The following EPRS1 variants were observed in gnomAD, a reference collection of about 807,000 sequenced individuals.
The protein encoded by EPRS1 is bifunctional glutamate/proline--tRNA ligase.
Under a neutral mutation model 188.3 loss-of-function variants are expected in EPRS1, and 107 were observed. The observed-to-expected ratio is 0.57, with a 90% CI of 0.49 to 0.67. EPRS1 has a LOEUF of 0.67. EPRS1 is among the 30% of genes least tolerant of loss of function. The pLI, the probability that EPRS1 is intolerant of heterozygous loss-of-function variation, is 0.00. For missense variants in EPRS1, 1,577 were observed against 1,802.2 expected (o/e 0.88, Z 2.26); for synonymous variants, 596 against 593.1 (o/e 1.00, Z -0.07).
At position 220,005,301 on chromosome 1, in the gene EPRS1, TATA is replaced by T; in HGVS notation, c.2007_2009del (p.Ile670del). The stretch of plus-strand genomic sequence containing the variant: ...TGAAGAATCCTCTTCTCTGGAGTTG[TATA>T]ATATCTCCTTTTTTCAAATCCTTAA... On this transcript the variant is annotated inframe_deletion, in exon 16 of 32. Transcript: ENST00000366923. 6.2e-7 allele frequency: 1 copy of T among 1,600,088 alleles called. No homozygotes were observed. Among genetic ancestry groups the T allele is most frequent in the Non-Finnish European group, 8.5e-7 (1 of 1,172,582 alleles).
In EPRS1 at chr1:220,010,933, C is replaced by G. The variant is rs1558054571; in HGVS notation, c.1605+13G>C. On this transcript the variant is annotated intron_variant, in intron 13 of 31. Coordinates refer to ENST00000366923, the MANE Select transcript of EPRS1 (RefSeq NM_004446.3). ...AACAGAGAGAAACACATTGGTGAAACTGTAAGAGTGACCTTTGGGTGTTTG... is the reference window on the plus strand; with the variant it reads ...AACAGAGAGAAACACATTGGTGAAAGTGTAAGAGTGACCTTTGGGTGTTTG... 6.7e-7 allele frequency: 1 copy of G among 1,489,706 alleles called. No individual in the cohort carries two copies. Among genetic ancestry groups the G allele is most frequent in the East Asian group, 2.3e-5 (1 of 44,182 alleles). 92.3% of individuals were successfully genotyped at this position (1,489,706 alleles called of 1,614,324 possible).
At chr1:219,973,207 G>A (rs1217626371) in intron 29 of EPRS1, 31 bp downstream of exon 29, 33 of 1,595,904 alleles carry the variant, frequency 2.1e-5, no homozygotes, top group Non-Finnish European at 2.7e-5. Flanking sequence ...AAGATCTGGA[G>A]AGAGAGACAT....
chr1:219,996,897 G>T, intron 18 of EPRS1, 86 bp downstream of exon 18: 3 of 1,324,540 alleles, frequency 2.3e-6, no homozygotes, highest in South Asian at 1.5e-5. Context: ...ATGAGCAGTC[G>T]ATGTTTTATA....
rs1376166324 is a variant in EPRS1, at chr1:219,978,663, C to T, written c.3966G>A (p.Ala1322=). 5 of 1,612,086 alleles carry T rather than the reference C, an allele frequency of 3.1e-6. No individual in the cohort carries two copies. The highest frequency in any genetic ancestry group is 2.2e-5 in the East Asian group (1 of 44,734). The stretch of plus-strand genomic sequence containing the variant: ...GATAATCATTGCATTTTGCAATCAG[C>T]GCTTCTTTGTCTTCTTCAGAAAGTG... ...TNALSEEDKE[A]LIAKCNDYRR... Residue 1322 remains alanine (A), a synonymous_variant, in exon 28 of 32, where the codon GCG becomes GCA. Transcript: ENST00000366923.
chr1:220,038,837 T>C (rs1662240788), intron 2 of EPRS1, among the ~76,000 whole-genome samples: 1 of 152,134 alleles, frequency 6.6e-6, no homozygotes, highest in Non-Finnish European at 1.5e-5. Flanking sequence ...GAACAAAGAC[T>C]GTCTTATTAC....
chr1:219,996,075 T>C (rs1360607308), intron 18 of EPRS1, among the ~76,000 whole-genome samples: 1 of 152,198 alleles, frequency 6.6e-6, no homozygotes, highest in South Asian at 2.1e-4. Flanking sequence ...TATGCTGCTG[T>C]TTGAGGAGAA....
intron 5 of EPRS1, 23 bp from the exon 6 acceptor site, chr1:220,030,503 C>A (rs1455948975): frequency 6.4e-7 from 1 of 1,563,976 alleles, no homozygotes; most frequent in Non-Finnish European, 8.8e-7. Flanking sequence ...ACCACCATCA[C>A]AACAAAAAGT....
At chr1:219,993,025 A>G (rs963677197) in intron 18 of EPRS1, among the ~76,000 whole-genome samples, 1 of 152,218 alleles carries the variant, frequency 6.6e-6, no homozygotes, top group Non-Finnish European at 1.5e-5. Flanking sequence ...GCTTGAGTAT[A>G]GAAGTTCAAG....
chr1:220,024,495 T>G (rs1661935372), intron 7 of EPRS1, 39 bp from the exon 8 acceptor site: 3 of 1,498,552 alleles, frequency 2.0e-6, no homozygotes, highest in Non-Finnish European at 2.7e-6. Context: ...GTATATCTTT[T>G]GCATTTTTTC....
intron 1 of EPRS1, among the ~76,000 whole-genome samples, chr1:220,045,124 C>T (rs6541124): frequency 0.023 from 3,439 of 152,294 alleles, 71 homozygotes; most frequent in East Asian, 0.067. Context: ...ATCAGCCCCA[C>T]GTGGTCAACT....
chr1:220,016,233 A>G (rs1163703467), intron 12 of EPRS1, among the ~76,000 whole-genome samples: 1 of 151,582 alleles, frequency 6.6e-6, no homozygotes, highest in Non-Finnish European at 1.5e-5. Flanking sequence ...AATCCCAGCT[A>G]CTCGGGAGGC....
In EPRS1 at chr1:220,006,253, G is replaced by A. The variant is rs565753634; in HGVS notation, c.1803C>T (p.Tyr601=). Residue 601 remains tyrosine (Y), a synonymous_variant, in exon 15 of 32, where the codon TAC becomes TAT. Coordinates refer to ENST00000366923, the MANE Select transcript of EPRS1 (RefSeq NM_004446.3). ...GCCAAGTGACCTTAGTGGTTTTCTT[G>A]TAGTCTTTGTTTTCCAAATTCAACT... ...DAKLNLENKD[Y]KKTTKVTWLA... 1.9e-6 allele frequency: 3 copies of A among 1,594,570 alleles called. No individual in the cohort carries two copies. Among genetic ancestry groups the A allele is most frequent in the African/African-American group, 1.3e-5 (1 of 74,648 alleles).
chr1:219,986,142 C>CA (rs1661002196), intron 20 of EPRS1, among the ~76,000 whole-genome samples: 1 of 152,132 alleles, frequency 6.6e-6, no homozygotes, highest in Admixed American at 6.5e-5. Context: ...CTCAGCTAAA[C>CA]AAATGTAAAA....
At position 220,011,038 on chromosome 1, in the gene EPRS1, G is replaced by A; in HGVS notation, c.1513C>T (p.Pro505Ser). The A allele has an allele frequency of 1.2e-6, 2 of 1,609,636 alleles. No homozygotes were observed. The highest frequency in any genetic ancestry group is 8.5e-7 in the Non-Finnish European group (1 of 1,176,036). Reference protein sequence around the residue: ...FNKKVIDPVAPRYVALLKKEV... With the variant: ...FNKKVIDPVASRYVALLKKEV... The stretch of plus-strand genomic sequence containing the variant: ...TTCTTCAGTAATGCAACATATCGTG[G>A]AGCCACTGGGTCAATAACCTGCAAC... The change falls in exon 13 of 32, where the codon CCA becomes TCA. Residue 505 changes from proline (P) to serine (S), a missense_variant. By Grantham distance (74) the Pro-to-Ser change is moderately conservative. Around this residue, in one of 3 missense-constraint regions of EPRS1, gnomAD observed 1,278 missense variants for 1,457.4 expected, o/e 0.88. Coordinates refer to ENST00000366923, the MANE Select transcript of EPRS1 (RefSeq NM_004446.3).
In EPRS1 at chr1:220,041,534, T is replaced by A. The variant is rs77404290; in HGVS notation, c.47-1265A>T. On this transcript the variant is annotated intron_variant, in intron 1 of 31. Coordinates refer to ENST00000366923, the MANE Select transcript of EPRS1 (RefSeq NM_004446.3). ...ACTTAATTGATTCATTAATCCTCTG[T>A]CCCTTAATTTGATTAAGATAGACAG... Among the ~76,000 whole-genome samples the A allele has an allele frequency of 3.4e-3, 519 of 152,154 alleles. 3 individuals carry two copies. Among genetic ancestry groups the A allele is most frequent in the African/African-American group, 0.012 (507 of 41,498 alleles).
chr1:220,014,917 C>T (rs969383123), intron 12 of EPRS1, among the ~76,000 whole-genome samples: 2 of 151,958 alleles, frequency 1.3e-5, no homozygotes, highest in Admixed American at 1.3e-4. Context: ...TGCAGAAAAC[C>T]CTACTATTAA....
chr1:220,013,429 A>G (rs970152738), intron 12 of EPRS1, among the ~76,000 whole-genome samples: 7 of 152,146 alleles, frequency 4.6e-5, no homozygotes, highest in African/African-American at 1.4e-4. Flanking sequence ...TTTCTTTACC[A>G]CGTACAATTC....
chr1:220,036,296 CAG>C (rs1485261460), intron 2 of EPRS1, among the ~76,000 whole-genome samples: 1 of 152,130 alleles, frequency 6.6e-6, no homozygotes, highest in African/African-American at 2.4e-5. Flanking sequence ...GAGCTAAAAA[CAG>C]AACTACGATT....
chr1:220,036,463 A>C lies in EPRS1; in HGVS notation c.132-1450T>G, dbSNP rs190668381. 4.3e-4 allele frequency among the ~76,000 whole-genome samples: 65 copies of C among 152,272 alleles called. 1 individual carries two copies. Among genetic ancestry groups the C allele is most frequent in the African/African-American group, 1.5e-3 (63 of 41,542 alleles). ...CCCATCAGTGACACACTGGATAAAG[A>C]AAATGTGGTACATATATACCACAGA... On this transcript the variant is annotated intron_variant, in intron 2 of 31. Transcript: ENST00000366923.
Sources: allele counts gnomAD v4.1 joint callset (sites outside exome capture counted in the v4.1 genomes callset), GRCh38; gene constraint gnomAD v4.1.1; regional missense constraint gnomAD v4.1.1; transcripts MANE v1.5; gene names NCBI Gene and HGNC (gene_info 2026-07-23, HGNC 2026-07-21).